The following METTL15 variants were observed in gnomAD, a reference collection of about 807,000 sequenced individuals.
METTL15 encodes methyltransferase 15, mitochondrial 12S rRNA N4-cytidine.
A neutral mutation model predicts 38.3 loss-of-function variants in METTL15; 34 were observed. The observed-to-expected ratio is 0.89, with a 90% CI of 0.68 to 1.18. The LOEUF (loss-of-function observed/expected upper bound fraction) is 1.18. Ranked by LOEUF, METTL15 falls within the 50% of genes most tolerant of loss-of-function variation. The probability of loss-of-function intolerance (pLI) is 0.00; values close to 1 mark genes in which losing one functional copy is unlikely to be tolerated. For synonymous variants in METTL15, 162 were observed against 170.9 expected, an observed-to-expected ratio of 0.95 and a Z score of 0.41; for missense variants, 438 against 498.4, an observed-to-expected ratio of 0.88 and a Z score of 1.15.
Position 28,330,616 on chromosome 11 carries a change from G to C in METTL15, c.999G>C (p.Leu333Phe). 1 of 1,551,348 alleles carries C rather than the reference G, an allele frequency of 6.4e-7. No individual in the cohort carries two copies. The highest frequency in any genetic ancestry group is 1.7e-4 in the Middle Eastern group (1 of 5,988). ...SLEDRIVKRF[L>F]LGISMTERFN... is the part of the protein sequence containing the mutation. ...AGGATCGCATCGTCAAAAGATTTTT[G>C]CTTGGAATAAGCATGACAGAAAGAT... The change falls in exon 7 of 7, where the codon TTG becomes TTC. Residue 333 changes from leucine to phenylalanine, a missense_variant. Physicochemically the swap from Leu to Phe is conservative, Grantham distance 22. Transcript: ENST00000407364.
chr11:28,490,422 G>A (rs980071810), intron 6 of METTL15, among the ~76,000 whole-genome samples: 5 of 152,004 alleles, frequency 3.3e-5, no homozygotes, highest in Admixed American at 1.3e-4. Flanking sequence ...CCTACTGTTG[G>A]CTTCACATAT....
At chr11:28,396,616 C>A (rs1590360329) in intron 5 of METTL15, among the ~76,000 whole-genome samples, 1 of 152,098 alleles carries the variant, frequency 6.6e-6, no homozygotes, top group African/African-American at 2.4e-5. Flanking sequence ...GAAGAATATT[C>A]CATGCTCATG....
At chr11:28,517,998 A>G (rs1015329198) in intron 6 of METTL15, among the ~76,000 whole-genome samples, 1 of 152,198 alleles carries the variant, frequency 6.6e-6, no homozygotes, top group South Asian at 2.1e-4. Context: ...CTCATCTCCT[A>G]TTAGTGCTGG....
intron 4 of METTL15, among the ~76,000 whole-genome samples, chr11:28,354,364 G>T (rs1435434580): frequency 2.0e-5 from 3 of 152,172 alleles, no homozygotes; most frequent in Non-Finnish European, 4.4e-5. Flanking sequence ...GTATGTTGGA[G>T]CAGTGAAGAA....
intron 4 of METTL15, among the ~76,000 whole-genome samples, chr11:28,274,022 A>G (rs1232192515): frequency 6.6e-6 from 1 of 152,104 alleles, no homozygotes; most frequent in Non-Finnish European, 1.5e-5. Context: ...ATATTCTTTT[A>G]AAATGAGAAA....
At chr11:28,237,674 C>T (rs574666630) in intron 4 of METTL15, among the ~76,000 whole-genome samples, 34 of 152,244 alleles carry the variant, frequency 2.2e-4, no homozygotes, top group African/African-American at 5.1e-4. Context: ...GGAGGAGAGG[C>T]GCTCTGTTTT....
intron 4 of METTL15, among the ~76,000 whole-genome samples, chr11:28,244,985 A>C (rs1175515396): frequency 1.3e-5 from 2 of 152,226 alleles, no homozygotes; most frequent in African/African-American, 4.8e-5. Context: ...AATCCCCGGA[A>C]ATACAAAGCA....
Position 28,331,693 on chromosome 11 carries a change from A to G in METTL15, c.*852A>G, listed in dbSNP as rs1288972109. ...GCTCCCTTAATGTTGTTACAAAGAT[A>G]TGGTAACTGTAATATGGGTAAAAGT... On this transcript the variant is annotated 3_prime_UTR_variant, in exon 7 of 7. Transcript: ENST00000407364. 6.6e-6 allele frequency: 1 copy of G among 152,190 alleles called. No homozygotes were observed. The highest frequency in any genetic ancestry group is 1.9e-4 in the East Asian group (1 of 5,200). 9.4% of individuals were successfully genotyped at this position (152,190 alleles called of 1,614,324 possible).
chr11:28,164,698 A>G (rs1850595104), intron 3 of METTL15, among the ~76,000 whole-genome samples: 1 of 152,020 alleles, frequency 6.6e-6, no homozygotes. Context: ...AGCTATTCTG[A>G]AATATACATT....
At chr11:28,365,863 A>G (rs750322890) in intron 5 of METTL15, among the ~76,000 whole-genome samples, 7 of 152,102 alleles carry the variant, frequency 4.6e-5, no homozygotes, top group Non-Finnish European at 8.8e-5. Context: ...CTTCCTGGCT[A>G]ACATGGTGAA....
chr11:28,303,743 G>C (rs1298841915), intron 6 of METTL15, among the ~76,000 whole-genome samples: 7 of 152,038 alleles, frequency 4.6e-5, no homozygotes, highest in Non-Finnish European at 8.8e-5. Flanking sequence ...AAATTCAAGG[G>C]GAAAAAATAT....
chr11:28,414,801 T>A (rs1289731073), intron 5 of METTL15, among the ~76,000 whole-genome samples: 1 of 152,204 alleles, frequency 6.6e-6, no homozygotes, highest in Admixed American at 6.5e-5. Context: ...TCAAAATGAC[T>A]TTTGAAGTGT....
chr11:28,324,882 C>T lies in METTL15; in HGVS notation c.779-5514C>T, dbSNP rs141027146. Among the ~76,000 whole-genome samples the T allele has an allele frequency of 1.3e-3, 193 of 152,278 alleles. 1 individual carries two copies. The highest frequency in any genetic ancestry group is 4.3e-3 in the African/African-American group (180 of 41,562). On this transcript the variant is annotated intron_variant, in intron 6 of 6. Coordinates refer to ENST00000407364, the MANE Select transcript of METTL15 (RefSeq NM_001113528.2). ...GGTGAAAGATGATTTTATTTAGCAGCAGCTCTCATCGACAGCTTTCTTATA... is the reference window on the plus strand; with the variant it reads ...GGTGAAAGATGATTTTATTTAGCAGTAGCTCTCATCGACAGCTTTCTTATA...
intron 4 of METTL15, among the ~76,000 whole-genome samples, chr11:28,353,095 GA>G (rs990252156): frequency 3.3e-5 from 5 of 152,070 alleles, no homozygotes; most frequent in Non-Finnish European, 7.4e-5. Context: ...GCTTAGAAAA[GA>G]AAAGCCCATA....
At chr11:28,367,406 C>G (rs1336973428) in intron 5 of METTL15, among the ~76,000 whole-genome samples, 1 of 152,122 alleles carries the variant, frequency 6.6e-6, no homozygotes, top group Non-Finnish European at 1.5e-5. Flanking sequence ...TCTAGCCAGG[C>G]TGATTGGTCA....
intron 5 of METTL15, among the ~76,000 whole-genome samples, chr11:28,423,228 C>T (rs1406945311): frequency 6.6e-6 from 1 of 152,056 alleles, no homozygotes; most frequent in East Asian, 1.9e-4. Context: ...GAAAAGAGAA[C>T]CCTTATACAC....
chr11:28,434,248 G>A (rs1212492805), intron 6 of METTL15, among the ~76,000 whole-genome samples: 2 of 152,170 alleles, frequency 1.3e-5, no homozygotes, highest in Admixed American at 6.5e-5. Flanking sequence ...GAAGAAGGAC[G>A]TGTTTACTTC....
At chr11:28,186,481 T>C (rs1851497709) in intron 3 of METTL15, among the ~76,000 whole-genome samples, 2 of 151,358 alleles carry the variant, frequency 1.3e-5, no homozygotes, top group South Asian at 4.1e-4. Flanking sequence ...ATAGTTACAA[T>C]AAAAGTTATT....
intron 5 of METTL15, among the ~76,000 whole-genome samples, chr11:28,370,539 T>A (rs1015070984): frequency 1.3e-5 from 2 of 152,020 alleles, no homozygotes; most frequent in Non-Finnish European, 2.9e-5. Flanking sequence ...ATCTTTTTGA[T>A]ACATTGATTT....
Sources: allele counts gnomAD v4.1 joint callset (sites outside exome capture counted in the v4.1 genomes callset), GRCh38; gene constraint gnomAD v4.1.1; transcripts MANE v1.5; gene names NCBI Gene and HGNC (gene_info 2026-07-23, HGNC 2026-07-21).